Variants in CDK14 observed in about 807,000 individuals in gnomAD.
The protein encoded by CDK14 is cyclin-dependent kinase 14.
In CDK14, 34 loss-of-function variants were observed where a neutral mutation model predicts 60.7. That is an observed-to-expected ratio of 0.56 (90% CI 0.43 to 0.75). CDK14 has a LOEUF of 0.75. CDK14 is among the 30% of genes least tolerant of loss of function. CDK14 has a pLI of 0.00. For synonymous variants in CDK14, 197 were observed against 203.7 expected (o/e 0.97, Z 0.28); for missense variants, 482 against 564.1 (o/e 0.85, Z 1.47).
At chr7:90,747,651 T>C (rs747151411) in intron 3 of CDK14, 30 bp from the exon 4 acceptor site, 3 of 1,247,882 alleles carry the variant, frequency 2.4e-6, no homozygotes, top group South Asian at 1.3e-5. Flanking sequence ...TGATACAATC[T>C]GTTTTGTTTA....
intron 2 of CDK14, among the ~76,000 whole-genome samples, chr7:90,687,234 T>A (rs1319209285): frequency 6.6e-6 from 1 of 152,110 alleles, no homozygotes; most frequent in East Asian, 1.9e-4. Context: ...GGGATACGTG[T>A]AGGGTAGCCA....
intron 5 of CDK14, among the ~76,000 whole-genome samples, chr7:90,809,059 C>G (rs1428160983): frequency 6.6e-6 from 1 of 152,130 alleles, no homozygotes; most frequent in Non-Finnish European, 1.5e-5. Context: ...TTAGACAGAT[C>G]AATGAGACAG....
chr7:90,655,171 A>G (rs1800726533), intron 2 of CDK14, among the ~76,000 whole-genome samples: 1 of 152,082 alleles, frequency 6.6e-6, no homozygotes, highest in African/African-American at 2.4e-5. Flanking sequence ...AGCTCATTTC[A>G]TTTTATCACT....
intron 14 of CDK14, among the ~76,000 whole-genome samples, chr7:91,189,490 A>G (rs1279946411): frequency 6.6e-6 from 1 of 152,228 alleles, no homozygotes; most frequent in Admixed American, 6.5e-5. Flanking sequence ...TTTGATATGC[A>G]TGACAATTAC....
At chr7:90,701,406 A>G (rs1801783931) in intron 2 of CDK14, among the ~76,000 whole-genome samples, 1 of 152,210 alleles carries the variant, frequency 6.6e-6, no homozygotes. Flanking sequence ...TTCCTCTATA[A>G]ATTATAAGAA....
At chr7:90,830,473 G>T (rs1413915874) in intron 5 of CDK14, among the ~76,000 whole-genome samples, 1 of 152,178 alleles carries the variant, frequency 6.6e-6, no homozygotes, top group African/African-American at 2.4e-5. Flanking sequence ...TTCCCTCCTA[G>T]GCTTCTGGGC....
intron 5 of CDK14, among the ~76,000 whole-genome samples, chr7:90,823,532 T>C (rs769199306): frequency 1.4e-4 from 22 of 152,172 alleles, no homozygotes; most frequent in Non-Finnish European, 3.2e-4. Context: ...TTTTTCCACT[T>C]TGACTTGGGT....
At chr7:91,027,237 AT>A (rs1471330318) in intron 10 of CDK14, among the ~76,000 whole-genome samples, 1 of 152,246 alleles carries the variant, frequency 6.6e-6, no homozygotes, top group African/African-American at 2.4e-5. Context: ...ACTCACAACA[AT>A]CTAAGCTGGT....
At chr7:91,008,906 G>A (rs1400857210) in intron 10 of CDK14, among the ~76,000 whole-genome samples, 2 of 152,062 alleles carry the variant, frequency 1.3e-5, no homozygotes, top group African/African-American at 4.8e-5. Context: ...TACAGCTTAA[G>A]TTTTGACATG....
intron 10 of CDK14, among the ~76,000 whole-genome samples, chr7:91,034,842 C>T (rs958542530): frequency 2.0e-5 from 3 of 151,976 alleles, no homozygotes; most frequent in African/African-American, 7.3e-5. Flanking sequence ...AATCTCTTAC[C>T]TAGTGGTAGT....
intron 7 of CDK14, among the ~76,000 whole-genome samples, chr7:90,903,904 G>A (rs555419072): frequency 4.6e-5 from 7 of 152,220 alleles, no homozygotes; most frequent in South Asian, 2.1e-4. Flanking sequence ...TTGCTCAGAC[G>A]CAAGGAGGAG....
chr7:91,015,120 T>A (rs1033489455), intron 10 of CDK14, among the ~76,000 whole-genome samples: 2 of 152,236 alleles, frequency 1.3e-5, no homozygotes, highest in African/African-American at 4.8e-5. Flanking sequence ...TAATTTTTTT[T>A]CTGCTTTATA....
chr7:91,199,359 G>A (rs1291411088), intron 14 of CDK14, among the ~76,000 whole-genome samples: 4 of 151,702 alleles, frequency 2.6e-5, no homozygotes, highest in African/African-American at 9.7e-5. Context: ...AACATGCCTT[G>A]GTGTATCTAA....
intron 12 of CDK14, among the ~76,000 whole-genome samples, chr7:91,098,579 A>G (rs1327798821): frequency 2.0e-5 from 3 of 152,130 alleles, no homozygotes; most frequent in African/African-American, 7.2e-5. Flanking sequence ...TCTCTTCTAT[A>G]TCAACATAGA....
intron 2 of CDK14, among the ~76,000 whole-genome samples, chr7:90,692,198 CGTT>C (rs996394907): frequency 2.0e-5 from 3 of 152,130 alleles, no homozygotes; most frequent in African/African-American, 4.8e-5. Flanking sequence ...CTTCTTATAT[CGTT>C]GGTCCATCGA....
At chr7:91,000,688 A>G (rs1424375387) in intron 10 of CDK14, among the ~76,000 whole-genome samples, 2 of 152,236 alleles carry the variant, frequency 1.3e-5, no homozygotes, top group African/African-American at 4.8e-5. Flanking sequence ...AGAAAGACAA[A>G]GATGAGAATT....
At chr7:90,907,431 C>CT (rs1792745484) in intron 7 of CDK14, among the ~76,000 whole-genome samples, 1 of 151,854 alleles carries the variant, frequency 6.6e-6, no homozygotes, top group South Asian at 2.1e-4. Flanking sequence ...GCATGAGAGA[C>CT]TGAAAATTAA....
intron 2 of CDK14, among the ~76,000 whole-genome samples, chr7:90,664,584 A>G (rs1242290685): frequency 1.3e-5 from 2 of 152,214 alleles, no homozygotes; most frequent in African/African-American, 4.8e-5. Context: ...TATGGCACAT[A>G]TACACCATGG....
intron 11 of CDK14, among the ~76,000 whole-genome samples, chr7:91,053,856 G>A (rs1797469186): frequency 6.6e-6 from 1 of 152,162 alleles, no homozygotes; most frequent in South Asian, 2.1e-4. Context: ...CACACCTGCA[G>A]TGAGGGGAGG....
Sources: gnomAD v4.1 joint callset for allele counts (sites outside exome capture counted in the v4.1 genomes callset) on GRCh38, gnomAD v4.1.1 for gene constraint, MANE v1.5 for transcripts, NCBI Gene and HGNC (gene_info 2026-07-23, HGNC 2026-07-21) for gene names.